F5: variants seen among roughly 807,000 people sequenced by gnomAD.
F5 encodes coagulation factor V.
Under a neutral mutation model 216.4 loss-of-function variants are expected in F5, and 138 were observed. The observed-to-expected ratio is 0.64, with a 90% CI of 0.56 to 0.73. The LOEUF (loss-of-function observed/expected upper bound fraction) is 0.73. F5 is among the 30% of genes least tolerant of loss of function. The pLI, the probability that F5 is intolerant of heterozygous loss-of-function variation, is 0.00. For missense variants in F5, 2,403 were observed against 2,674.0 expected (o/e 0.90, Z 2.24); for synonymous variants, 916 against 930.7 (o/e 0.98, Z 0.29).
intron 3 of F5, among the ~76,000 whole-genome samples, chr1:169,563,373 C>T (rs944201158): frequency 6.6e-6 from 1 of 152,016 alleles, no homozygotes; most frequent in Non-Finnish European, 1.5e-5. Context: ...GTTTACATTA[C>T]ATTTGGGAAT....
At chr1:169,558,445 C>T (rs1660380922) in intron 5 of F5, among the ~76,000 whole-genome samples, 1 of 152,152 alleles carries the variant, frequency 6.6e-6, no homozygotes, top group African/African-American at 2.4e-5. Context: ...TTTCAGATGG[C>T]ATTAGAGAAT....
chr1:169,529,685 C>T lies in F5; in HGVS notation c.5342G>A (p.Ser1781Asn). The part of the protein sequence containing the change: ...LLFMTFDEKK[S>N]WYYEKKSRSS... ...TCGGGACTTCTTTTCATAGTACCAGCTCTTCTTTTCATCAAAGGTCATAAA... is the reference window on the plus strand; with the variant it reads ...TCGGGACTTCTTTTCATAGTACCAGTTCTTCTTTTCATCAAAGGTCATAAA... The change falls in exon 16 of 25, where the codon AGC (serine) becomes AAC (asparagine). Residue 1781 changes from serine to asparagine, a missense_variant. This residue lies in a region of F5 where 659 missense variants were observed against 787.9 expected (regional missense o/e 0.84). Transcript: ENST00000367797. The T allele has an allele frequency of 6.2e-7, 1 of 1,613,832 alleles. No homozygotes were observed. Among genetic ancestry groups the T allele is most frequent in the Non-Finnish European group, 8.5e-7 (1 of 1,179,814 alleles).
At chr1:169,530,641 A>G (rs1659573110) in intron 15 of F5, 145 bp downstream of exon 15, 2 of 754,328 alleles carry the variant, frequency 2.7e-6, no homozygotes, top group Admixed American at 1.9e-5. Flanking sequence ...GTTATGATAA[A>G]TGCAGACTGT....
At chr1:169,554,381 T>C (rs1427237059) in intron 7 of F5, among the ~76,000 whole-genome samples, 1 of 152,244 alleles carries the variant, frequency 6.6e-6, no homozygotes, top group African/African-American at 2.4e-5. Context: ...TACAGAGTGT[T>C]TGCATCCTCT....
chr1:169,514,533 G>A, intron 24 of F5, 74 bp from the exon 25 acceptor site: 2 of 1,308,764 alleles, frequency 1.5e-6, no homozygotes, highest in Non-Finnish European at 2.2e-6. Context: ...TTTTTTTTTA[G>A]ACAGGGTCTT....
chr1:169,537,674 G>A (rs1247374508), intron 13 of F5, among the ~76,000 whole-genome samples: 2 of 151,982 alleles, frequency 1.3e-5, no homozygotes, highest in East Asian at 3.9e-4. Context: ...CAAAAGACTT[G>A]AATAGACATT....
chr1:169,550,871 A>G, intron 8 of F5, 132 bp from the exon 9 acceptor site: 1 of 683,138 alleles, frequency 1.5e-6, no homozygotes, highest in East Asian at 2.8e-5. Context: ...GGAAAATTAG[A>G]TCTGTTTATC....
At chr1:169,519,005 C>A (rs1350215276) in intron 22 of F5, among the ~76,000 whole-genome samples, 1 of 152,150 alleles carries the variant, frequency 6.6e-6, no homozygotes, top group East Asian at 1.9e-4. Flanking sequence ...ATACAATGGA[C>A]CCTCAGTCAC....
At chr1:169,538,344 T>G (rs1412188765) in intron 13 of F5, among the ~76,000 whole-genome samples, 2 of 152,122 alleles carry the variant, frequency 1.3e-5, no homozygotes, top group Admixed American at 1.3e-4. Flanking sequence ...GGTGGAGCAT[T>G]GAGAAAATGG....
At chr1:169,560,431 G>T in intron 4 of F5, 123 bp downstream of exon 4, 1 of 863,048 alleles carries the variant, frequency 1.2e-6, no homozygotes. Context: ...TCTGGTCTCC[G>T]TGCCGTCTTC....
At position 169,514,226 on chromosome 1, in the gene F5, CA is replaced by C; in HGVS notation, c.*86del. Reference sequence around the variant, plus strand: ...AAGAGAAATAGTGGAAAACTGTTAACATTTAACACAGCGTAAAATACATTGC... The same window carrying C: ...AAGAGAAATAGTGGAAAACTGTTAACTTTAACACAGCGTAAAATACATTGC... On this transcript the variant is annotated 3_prime_UTR_variant, in exon 25 of 25. Coordinates refer to ENST00000367797, the MANE Select transcript of F5 (RefSeq NM_000130.5). 1 of 1,341,456 alleles carries C rather than the reference CA, an allele frequency of 7.5e-7. No homozygotes were observed. Among genetic ancestry groups the C allele is most frequent in the Non-Finnish European group, 1.1e-6 (1 of 935,440 alleles). The allele number at this position is 1,341,456 out of a possible 1,614,324, so 83.1% of individuals were successfully genotyped here. A position where few individuals can be genotyped will look rare whatever the true frequency, so the allele number is the denominator to read the frequency against.
chr1:169,555,848 T>C (rs751505575), intron 6 of F5, among the ~76,000 whole-genome samples: 1 of 152,018 alleles, frequency 6.6e-6, no homozygotes, highest in Non-Finnish European at 1.5e-5. Context: ...ATCATGATGG[T>C]TTTATTACTT....
Position 169,549,800 on chromosome 1 carries a change from C to A in F5, c.1611+1G>T, listed in dbSNP as rs1660116600. ...GAAAGGTTACTTCAAGGACAAAATA[C>A]CTGTATTCCTCGCCTGTCCAGGGAT... On this transcript the variant is annotated splice_donor_variant, in intron 10 of 24. Transcript: ENST00000367797. LOFTEE classifies it high-confidence loss of function. 1.2e-6 allele frequency: 2 copies of A among 1,610,108 alleles called. No individual in the cohort carries two copies. The highest frequency in any genetic ancestry group is 1.7e-5 in the Admixed American group (1 of 59,984).
At chr1:169,522,756 A>G (rs1005319220) in intron 21 of F5, among the ~76,000 whole-genome samples, 1 of 152,144 alleles carries the variant, frequency 6.6e-6, no homozygotes, top group Non-Finnish European at 1.5e-5. Flanking sequence ...TGAGAATCAC[A>G]CTGCCTCAGA....
chr1:169,523,925 A>C, intron 19 of F5, 21 bp from the exon 20 acceptor site: 3 of 1,589,896 alleles, frequency 1.9e-6, no homozygotes, highest in Non-Finnish European at 1.7e-6. Context: ...GGGAAGAAAA[A>C]GATTTATTCT....
At chr1:169,528,364 C>A (rs1160270496) in intron 16 of F5, among the ~76,000 whole-genome samples, 2 of 152,186 alleles carry the variant, frequency 1.3e-5, no homozygotes, top group Non-Finnish European at 2.9e-5. Flanking sequence ...TTTTCCTCAG[C>A]TTTTACAGTT....
At chr1:169,544,838 G>A (rs551698821) in intron 11 of F5, among the ~76,000 whole-genome samples, 2 of 152,186 alleles carry the variant, frequency 1.3e-5, no homozygotes, top group African/African-American at 2.4e-5. Flanking sequence ...TCCACTTGGA[G>A]GAAAAGCATA....
In F5 at chr1:169,586,210, G is replaced by A. The variant is rs1379706855; in HGVS notation, c.158+19C>T. The stretch of plus-strand genomic sequence containing the variant: ...TTTCCTCTCTAGAGAAGCCCACCCG[G>A]ACTCCACACCTGAGTTACCTTGAGT... On this transcript the variant is annotated intron_variant, in intron 1 of 24. Transcript: ENST00000367797. 6.2e-7 allele frequency: 1 copy of A among 1,613,874 alleles called. No individual in the cohort carries two copies.
intron 3 of F5, among the ~76,000 whole-genome samples, chr1:169,561,513 T>G (rs1660486732): frequency 6.6e-6 from 1 of 152,054 alleles, no homozygotes; most frequent in Non-Finnish European, 1.5e-5. Context: ...TACTCAATAT[T>G]AAAAGAAGTG....
Sources: allele counts gnomAD v4.1 joint callset (sites outside exome capture counted in the v4.1 genomes callset), GRCh38; gene constraint gnomAD v4.1.1; regional missense constraint gnomAD v4.1.1; transcripts MANE v1.5; gene names NCBI Gene and HGNC (gene_info 2026-07-23, HGNC 2026-07-21).